The following TSHZ1 variants were observed in gnomAD, a reference collection of about 807,000 sequenced individuals.
The protein encoded by TSHZ1 is teashirt zinc finger homeobox 1, also known as teashirt homolog 1.
TSHZ1 carries 12 observed loss-of-function variants against 67.1 expected under a neutral mutation model. That is an observed-to-expected ratio of 0.18 (90% confidence interval 0.11 to 0.29). The LOEUF is 0.29. Ranked by LOEUF, TSHZ1 falls within the 10% of genes least tolerant of loss-of-function variation. The pLI is 1.00. For synonymous variants in TSHZ1, 632 were observed against 622.4 expected (o/e 1.02, Z -0.23); for missense variants, 1,305 against 1,413.9 (o/e 0.92, Z 1.23).
chr18:75,235,752 A>G (rs2023059434), intron 1 of TSHZ1, among the ~76,000 whole-genome samples: 1 of 152,226 alleles, frequency 6.6e-6, no homozygotes, highest in Non-Finnish European at 1.5e-5. Flanking sequence ...ATCAGGATTG[A>G]ATATGGGAAA....
chr18:75,213,222 T>G (rs554949081), intron 1 of TSHZ1, among the ~76,000 whole-genome samples: 8 of 152,352 alleles, frequency 5.3e-5, no homozygotes, highest in Admixed American at 1.3e-4. Flanking sequence ...ATCATTTCCA[T>G]TAGATCACTG....
At chr18:75,280,400 CTG>C (rs924498996) in intron 1 of TSHZ1, among the ~76,000 whole-genome samples, 8 of 152,256 alleles carry the variant, frequency 5.3e-5, no homozygotes, top group African/African-American at 1.7e-4. Flanking sequence ...ATTTATAACA[CTG>C]TGTCTGGCAC....
chr18:75,215,134 G>A (rs189056107), intron 1 of TSHZ1, among the ~76,000 whole-genome samples: 1 of 152,140 alleles, frequency 6.6e-6, no homozygotes, highest in Admixed American at 6.5e-5. Context: ...CAATGCTGAA[G>A]ACCCTCATGG....
intron 1 of TSHZ1, among the ~76,000 whole-genome samples, chr18:75,252,769 T>C (rs1297027304): frequency 6.6e-6 from 1 of 152,164 alleles, no homozygotes; most frequent in Non-Finnish European, 1.5e-5. Flanking sequence ...GTCTTTCAAA[T>C]TCCATTTTGA....
chr18:75,215,323 T>C (rs930523627), intron 1 of TSHZ1, among the ~76,000 whole-genome samples: 2 of 152,244 alleles, frequency 1.3e-5, no homozygotes, highest in African/African-American at 2.4e-5. Flanking sequence ...TCTGTAAATA[T>C]GTGGACTAGG....
chr18:75,282,983 G>A (rs764589543), intron 1 of TSHZ1: 1 of 152,312 alleles, frequency 6.6e-6, no homozygotes, highest in African/African-American at 2.4e-5. Flanking sequence ...CAAGCTAAAC[G>A]TTTCCTTTGC....
chr18:75,249,745 C>A (rs1432936126), intron 1 of TSHZ1, among the ~76,000 whole-genome samples: 25 of 150,612 alleles, frequency 1.7e-4, no homozygotes, highest in Non-Finnish European at 3.0e-5. Context: ...CTCACCTCAC[C>A]CCTGCAGTAG....
At position 75,272,669 on chromosome 18, in the gene TSHZ1, T is replaced by A. The variant is rs115960160; in HGVS notation, c.41-12779T>A. On this transcript the variant is annotated intron_variant, in intron 1 of 1. Coordinates refer to ENST00000580243, the MANE Select transcript of TSHZ1 (RefSeq NM_001308210.2). The stretch of plus-strand genomic sequence containing the variant: ...ATTCCTTGTCACTGTATCCCTATAC[T>A]TGTACTCTCCTTCTAGAGAGAATAT... Among the ~76,000 whole-genome samples, 785 of 152,356 alleles carry A rather than the reference T, an allele frequency of 5.2e-3. 10 individuals are homozygous for A. The highest frequency in any genetic ancestry group is 0.018 in the African/African-American group (763 of 41,586).
At chr18:75,224,582 T>TC (rs1379460907) in intron 1 of TSHZ1, among the ~76,000 whole-genome samples, 2 of 151,894 alleles carry the variant, frequency 1.3e-5, no homozygotes, top group South Asian at 2.1e-4. Flanking sequence ...TAATGTATGA[T>TC]CCCCCCCTCC....
intron 1 of TSHZ1, among the ~76,000 whole-genome samples, chr18:75,278,161 A>G (rs2023637687): frequency 6.6e-6 from 1 of 150,888 alleles, no homozygotes; most frequent in Admixed American, 6.6e-5. Context: ...CTGTCTTTTC[A>G]GGCCCAGGCT....
chr18:75,230,143 A>G (rs1241904919), intron 1 of TSHZ1, among the ~76,000 whole-genome samples: 2 of 152,352 alleles, frequency 1.3e-5, no homozygotes, highest in East Asian at 1.9e-4. Context: ...GAATCATGGC[A>G]TCTATAGTGT....
chr18:75,288,438 C>G lies in TSHZ1; in HGVS notation c.3031C>G (p.Gln1011Glu), dbSNP rs749126529. 3 of 1,614,216 alleles carry G rather than the reference C, an allele frequency of 1.9e-6. No homozygotes were observed. The highest frequency in any genetic ancestry group is 1.1e-5 in the South Asian group (1 of 91,078). Residue 1011 changes from glutamine (Q) to glutamate (E), a missense_variant, in exon 2 of 2, where the codon CAG (glutamine) becomes GAG (glutamate). Physicochemically the swap from Gln to Glu is conservative, Grantham distance 29. Around this residue, in one of 3 missense-constraint regions of TSHZ1, gnomAD observed 909 missense variants for 961.8 expected, o/e 0.95. Coordinates refer to ENST00000580243, the MANE Select transcript of TSHZ1 (RefSeq NM_001308210.2). This position sits in a 1 kb window ranked among gnomAD's most constrained non-coding sequence, Gnocchi z 4.9. ...SKLPLNQIQEQQNVSKVLTNK... is the reference protein window; with the variant it reads ...SKLPLNQIQEEQNVSKVLTNK... ...GCTGCCACTCAATCAGATTCAAGAA[C>G]AGCAGAATGTTTCGAAAGTCCTCAC...
chr18:75,213,277 G>A (rs975440786), intron 1 of TSHZ1, among the ~76,000 whole-genome samples: 2 of 152,304 alleles, frequency 1.3e-5, no homozygotes, highest in East Asian at 1.9e-4. Flanking sequence ...CTTATGCTGA[G>A]TATTCACAAC....
intron 1 of TSHZ1, among the ~76,000 whole-genome samples, chr18:75,272,311 C>T (rs1235066162): frequency 6.6e-6 from 1 of 152,170 alleles, no homozygotes; most frequent in East Asian, 1.9e-4. Context: ...TAATAACGTG[C>T]TCTTTTCATT....
intron 1 of TSHZ1, among the ~76,000 whole-genome samples, chr18:75,272,224 G>A (rs180744019): frequency 3.9e-5 from 6 of 152,322 alleles, no homozygotes; most frequent in South Asian, 2.1e-4. Flanking sequence ...GGAAGAGCAC[G>A]CAGGTCTGAG....
rs1006116155 is a variant in TSHZ1, at chr18:75,289,562, T to G, written c.*921T>G. On this transcript the variant is annotated 3_prime_UTR_variant, in exon 2 of 2. Coordinates refer to ENST00000580243, the MANE Select transcript of TSHZ1 (RefSeq NM_001308210.2). The stretch of plus-strand genomic sequence containing the variant: ...TTGCCAGCATCAGCTTAAAAACTCC[T>G]GTATGTTACATATCGTACCATTTTA... The G allele has an allele frequency of 6.0e-6, 1 of 167,254 alleles. No homozygotes were observed. Among genetic ancestry groups the G allele is most frequent in the Middle Eastern group, 3.4e-3 (1 of 296 alleles). 10.4% of individuals were successfully genotyped at this position (167,254 alleles called of 1,614,324 possible). A position where few individuals can be genotyped will look rare whatever the true frequency, so the allele number is the denominator to read the frequency against.
At chr18:75,265,653 T>C (rs1432575069) in intron 1 of TSHZ1, among the ~76,000 whole-genome samples, 1 of 152,198 alleles carries the variant, frequency 6.6e-6, no homozygotes, top group Non-Finnish European at 1.5e-5. Flanking sequence ...ATTCCCCACA[T>C]AAAATTTAAT....
chr18:75,278,396 G>A (rs1416409870), intron 1 of TSHZ1, among the ~76,000 whole-genome samples: 1 of 152,182 alleles, frequency 6.6e-6, no homozygotes, highest in African/African-American at 2.4e-5. Flanking sequence ...AGGCACCTGG[G>A]TTCTGGGTTG....
intron 1 of TSHZ1, among the ~76,000 whole-genome samples, chr18:75,243,353 G>A (rs1460749145): frequency 6.6e-6 from 1 of 152,178 alleles, no homozygotes; most frequent in Non-Finnish European, 1.5e-5. Context: ...GCAATGATGA[G>A]CGGGACGGAT....
Sources: allele counts gnomAD v4.1 joint callset (sites outside exome capture counted in the v4.1 genomes callset), GRCh38; gene constraint gnomAD v4.1.1; regional missense constraint gnomAD v4.1.1; non-coding constraint Gnocchi (gnomAD v3.1); transcripts MANE v1.5; gene names NCBI Gene and HGNC (gene_info 2026-07-23, HGNC 2026-07-21).